Variants in KIAA0319 observed in about 807,000 individuals in gnomAD.
The protein encoded by KIAA0319 is KIAA0319.
KIAA0319 carries 83 observed loss-of-function variants against 108.4 expected under a neutral mutation model. The observed-to-expected ratio is 0.77, with a 90% CI of 0.64 to 0.92. KIAA0319 has a LOEUF of 0.92. Ranked by LOEUF, KIAA0319 falls within the 40% of genes least tolerant of loss-of-function variation. The pLI, the probability that KIAA0319 is intolerant of heterozygous loss-of-function variation, is 0.00. For missense variants in KIAA0319, 1,195 were observed against 1,322.4 expected (o/e 0.90, Z 1.49); for synonymous variants, 484 against 510.4 (o/e 0.95, Z 0.70).
intron 3 of KIAA0319, among the ~76,000 whole-genome samples, chr6:24,593,708 A>T (rs190065143): frequency 1.3e-3 from 196 of 151,792 alleles, no homozygotes; most frequent in Middle Eastern, 6.8e-3. Flanking sequence ...GCCCTGAATA[A>T]TTATCTTTTA....
intron 1 of KIAA0319, among the ~76,000 whole-genome samples, chr6:24,631,269 A>G (rs1160182372): frequency 1.3e-5 from 2 of 152,204 alleles, no homozygotes; most frequent in East Asian, 3.9e-4. Context: ...CTTCAGCTTC[A>G]GCGGTGAATG....
In KIAA0319 at chr6:24,596,066, G is replaced by A. The variant is rs1381776728; in HGVS notation, c.608C>T (p.Pro203Leu). Residue 203 changes from proline to leucine, a missense_variant, in exon 3 of 21, where the codon CCT (proline) becomes CTT (leucine). Transcript: ENST00000378214. The stretch of plus-strand genomic sequence containing the variant: ...CTGCTGCGTCTCCGCTGGCACCGCA[G>A]GACTGTCTCCAACAGAGGAGTTGAA... ...GAFNSSVGDS[P>L]AVPAETQQDP... 7 of 1,613,940 alleles carry A rather than the reference G, an allele frequency of 4.3e-6. No individual in the cohort carries two copies. Among genetic ancestry groups the A allele is most frequent in the Non-Finnish European group, 5.9e-6 (7 of 1,179,950 alleles).
intron 19 of KIAA0319, among the ~76,000 whole-genome samples, chr6:24,553,938 A>G (rs542650849): frequency 6.6e-5 from 10 of 152,232 alleles, no homozygotes; most frequent in South Asian, 4.2e-4. Flanking sequence ...TAAATAACCA[A>G]TGTGTTTCCT....
intron 17 of KIAA0319, among the ~76,000 whole-genome samples, chr6:24,558,152 C>T (rs1438537837): frequency 1.3e-5 from 2 of 151,716 alleles, no homozygotes; most frequent in African/African-American, 4.8e-5. Flanking sequence ...CGTGGTGGCT[C>T]AGCACTTTGG....
rs41271797 is a variant in KIAA0319 at position 24,569,923 on chromosome 6, G to A, written c.1971C>T (p.Phe657=). ...SSSSDDHGIV[F]YHWEHVRGPS... is the part of the protein sequence containing the mutation. ...ACTACCTGACGTGCTCCCAGTGGTA[G>A]AAGACAATGCCGTGGTCATCGCTGC... Residue 657 remains phenylalanine (F), a synonymous_variant, in exon 12 of 21, where the codon TTC becomes TTT. Coordinates refer to ENST00000378214, the MANE Select transcript of KIAA0319 (RefSeq NM_014809.4). 1,961 of 1,614,154 alleles carry A rather than the reference G, an allele frequency of 1.2e-3. 7 individuals carry two copies. The highest frequency in any genetic ancestry group is 1.5e-3 in the Non-Finnish European group (1,713 of 1,179,986).
rs1446037383 is a variant in KIAA0319 at position 24,559,151 on chromosome 6, C to T, written c.2596G>A (p.Val866Met). Residue 866 changes from valine to methionine, a missense_variant, in exon 17 of 21, where the codon GTG becomes ATG. Coordinates refer to ENST00000378214, the MANE Select transcript of KIAA0319 (RefSeq NM_014809.4). ...CTGCTCTGTACATAAAACACAATCACGGTGCTGTGGAGGAGACAATGAGAG... is the reference window on the plus strand; with the variant it reads ...CTGCTCTGTACATAAAACACAATCATGGTGCTGTGGAGGAGACAATGAGAG... ...KIRAHSDLST[V>M]IVFYVQSRPP... is the part of the protein sequence containing the mutation. The T allele has an allele frequency of 1.9e-6, 3 of 1,612,688 alleles. No individual in the cohort carries two copies. The highest frequency in any genetic ancestry group is 1.3e-5 in the African/African-American group (1 of 74,996).
At chr6:24,622,319 T>TAAAAAA (rs5874995) in intron 1 of KIAA0319, among the ~76,000 whole-genome samples, 61 of 114,150 alleles carry the variant, frequency 5.3e-4, no homozygotes, top group East Asian at 1.2e-3. Flanking sequence ...TTTGAGAAAT[T>TAAAAAA]AAAAAAAAAA....
At chr6:24,564,148 C>A in intron 15 of KIAA0319, 54 bp downstream of exon 15, 1 of 1,610,140 alleles carries the variant, frequency 6.2e-7, no homozygotes, top group Non-Finnish European at 8.5e-7. Flanking sequence ...GTAAAGACCC[C>A]AAAGGCTGAC....
chr6:24,594,997 C>T (rs1377200779), intron 3 of KIAA0319, among the ~76,000 whole-genome samples: 1 of 152,180 alleles, frequency 6.6e-6, no homozygotes, highest in African/African-American at 2.4e-5. Context: ...GGCTTTCCAC[C>T]TGCTTTTGAA....
At chr6:24,619,000 C>T (rs956467737) in intron 1 of KIAA0319, among the ~76,000 whole-genome samples, 2 of 152,156 alleles carry the variant, frequency 1.3e-5, no homozygotes, top group Admixed American at 1.3e-4. Flanking sequence ...ATGTGGACAG[C>T]TGAGAGGAAA....
intron 1 of KIAA0319, among the ~76,000 whole-genome samples, chr6:24,632,337 A>G (rs1775684893): frequency 6.6e-6 from 1 of 152,234 alleles, no homozygotes; most frequent in Non-Finnish European, 1.5e-5. Flanking sequence ...TATCTCCAAC[A>G]GGTATATAGA....
intron 1 of KIAA0319, among the ~76,000 whole-genome samples, chr6:24,637,426 T>C (rs1440687486): frequency 1.3e-5 from 2 of 152,244 alleles, no homozygotes; most frequent in African/African-American, 4.8e-5. Context: ...AGTCCTGATG[T>C]AGATCCCTCT....
intron 13 of KIAA0319, among the ~76,000 whole-genome samples, chr6:24,567,272 C>A (rs1176825973): frequency 6.6e-6 from 1 of 152,112 alleles, no homozygotes; most frequent in Non-Finnish European, 1.5e-5. Flanking sequence ...GAGGCCAAAG[C>A]AGGAGAATCA....
At chr6:24,623,244 C>T (rs995808831) in intron 1 of KIAA0319, among the ~76,000 whole-genome samples, 1 of 152,020 alleles carries the variant, frequency 6.6e-6, no homozygotes, top group Non-Finnish European at 1.5e-5. Flanking sequence ...CATACACGCA[C>T]ACACACAAAG....
rs1762323201 is a variant in KIAA0319, at chr6:24,556,639, T to C, written c.2825A>G (p.Gln942Arg). 5.0e-6 allele frequency: 8 copies of C among 1,614,018 alleles called. No individual in the cohort carries two copies. The highest frequency in any genetic ancestry group is 6.8e-6 in the Non-Finnish European group (8 of 1,179,936). The change falls in exon 18 of 21, where the codon CAG becomes CGG. Residue 942 changes from glutamine to arginine, a missense_variant. Gln to Arg is a conservative substitution (Grantham distance 43). Coordinates refer to ENST00000378214, the MANE Select transcript of KIAA0319 (RefSeq NM_014809.4). The part of the protein sequence containing the change: ...CSHLWMENLI[Q>R]RYIWDGESNC... ...GCTCTCTCCATCCCAGATATAACGC[T>C]GTATAAGGTTCTCCATCCATAAGTG...
intron 1 of KIAA0319, among the ~76,000 whole-genome samples, chr6:24,607,281 G>A (rs1343063260): frequency 2.0e-5 from 3 of 152,150 alleles, no homozygotes; most frequent in Admixed American, 1.3e-4. Context: ...ACTTGAATCC[G>A]GGAGGTGGAG....
At chr6:24,598,507 A>C (rs1469795512) in intron 2 of KIAA0319, 1 of 462,552 alleles carries the variant, frequency 2.2e-6, no homozygotes, top group Non-Finnish European at 4.2e-6. Flanking sequence ...GGAAAAGCTG[A>C]AGCTGGAGGC....
intron 8 of KIAA0319, 53 bp from the exon 9 acceptor site, chr6:24,578,295 A>G (rs1414418926): frequency 4.4e-6 from 6 of 1,372,530 alleles, no homozygotes; most frequent in African/African-American, 2.9e-5. Context: ...AGGAAGACAT[A>G]AGTTTTATAC....
chr6:24,629,872 A>C (rs973265614), intron 1 of KIAA0319, among the ~76,000 whole-genome samples: 1 of 152,106 alleles, frequency 6.6e-6, no homozygotes, highest in Admixed American at 6.5e-5. Flanking sequence ...GGCTGAGTGA[A>C]TGAAATAAAT....
Sources: gnomAD v4.1 joint callset for allele counts (sites outside exome capture counted in the v4.1 genomes callset) on GRCh38, gnomAD v4.1.1 for gene constraint, MANE v1.5 for transcripts, NCBI Gene and HGNC (gene_info 2026-07-23, HGNC 2026-07-21) for gene names.